The following EGFLAM variants were observed in gnomAD, a reference collection of about 807,000 sequenced individuals.
The protein encoded by EGFLAM is EGF like, fibronectin type III and laminin G domains, also known as pikachurin.
A neutral mutation model predicts 113.1 loss-of-function variants in EGFLAM; 79 were observed. The ratio of observed to expected loss-of-function variants is 0.70; its 90% CI spans 0.58 to 0.84. The LOEUF is 0.84. Among genes scored for constraint, EGFLAM ranks in the 40% least tolerant of loss-of-function variants. The pLI is 0.00. For synonymous variants in EGFLAM, 504 were observed against 487.6 expected, an observed-to-expected ratio of 1.03 and a Z score of -0.44; for missense variants, 1,265 against 1,291.6, an observed-to-expected ratio of 0.98 and a Z score of 0.32.
chr5:38,334,068 C>G (rs1739122796), intron 1 of EGFLAM, among the ~76,000 whole-genome samples: 1 of 151,850 alleles, frequency 6.6e-6, no homozygotes. Flanking sequence ...GGATTACAGA[C>G]TCCTGCCACC....
chr5:38,310,880 C>T (rs1359848053), intron 1 of EGFLAM, among the ~76,000 whole-genome samples: 1 of 152,092 alleles, frequency 6.6e-6, no homozygotes, highest in Non-Finnish European at 1.5e-5. Flanking sequence ...GAAAAATGAT[C>T]ATCTGAGGGT....
intron 6 of EGFLAM, among the ~76,000 whole-genome samples, chr5:38,379,058 C>T (rs1180615598): frequency 5.9e-5 from 9 of 152,104 alleles, no homozygotes; most frequent in Non-Finnish European, 1.0e-4. Context: ...AATGGGAAGA[C>T]ATCAGAATGC....
At chr5:38,355,182 C>A (rs922016273) in intron 5 of EGFLAM, among the ~76,000 whole-genome samples, 3 of 152,164 alleles carry the variant, frequency 2.0e-5, no homozygotes, top group African/African-American at 7.2e-5. Context: ...CTGTAGGCAA[C>A]CGGGTCTTCA....
At chr5:38,358,446 C>CAAAA (rs34444620) in intron 5 of EGFLAM, among the ~76,000 whole-genome samples, 60 of 73,558 alleles carry the variant, frequency 8.2e-4, no homozygotes, top group East Asian at 1.9e-3. Flanking sequence ...GACTCCGTCT[C>CAAAA]AAAAAAAAAA....
At chr5:38,412,793 C>A in intron 11 of EGFLAM, 145 bp downstream of exon 11, 1 of 1,290,880 alleles carries the variant, frequency 7.7e-7, no homozygotes. Flanking sequence ...CATGGTGAAC[C>A]CATGCAACAG....
intron 12 of EGFLAM, among the ~76,000 whole-genome samples, chr5:38,421,272 A>G (rs1478145914): frequency 6.6e-6 from 1 of 152,228 alleles, no homozygotes. Flanking sequence ...TGCAAGTCAC[A>G]TTCTAGAATA....
intron 1 of EGFLAM, among the ~76,000 whole-genome samples, chr5:38,262,448 G>A (rs1037605379): frequency 2.0e-4 from 30 of 151,998 alleles, no homozygotes; most frequent in African/African-American, 7.3e-4. Flanking sequence ...AATCACCGCC[G>A]GAATAGAAAT....
intron 6 of EGFLAM, among the ~76,000 whole-genome samples, chr5:38,381,018 G>A (rs1740498498): frequency 6.6e-6 from 1 of 152,174 alleles, no homozygotes; most frequent in African/African-American, 2.4e-5. Flanking sequence ...GCCTCAGAAT[G>A]TGCAACTATA....
At chr5:38,413,130 C>T (rs1210024666) in intron 11 of EGFLAM, among the ~76,000 whole-genome samples, 3 of 151,922 alleles carry the variant, frequency 2.0e-5, no homozygotes, top group Non-Finnish European at 4.4e-5. Context: ...CAAACCATCC[C>T]GCCTCAGGCT....
chr5:38,337,540 G>T lies in EGFLAM; in HGVS notation c.118G>T (p.Asp40Tyr). The T allele has an allele frequency of 6.2e-7, 1 of 1,602,892 alleles. No homozygotes were observed. ...RKPGKVGPPLDIKLGALNCTA... is the reference protein window; with the variant it reads ...RKPGKVGPPLYIKLGALNCTA... ...GGCAGGCAAGGTAGGGCCTCCTCTT[G>T]ACATCAAGCTGGGCGCATTGAACTG... The change falls in exon 2 of 22, where the codon GAC becomes TAC. Residue 40 changes from aspartate to tyrosine, a missense_variant. Physicochemically the swap from Asp to Tyr is radical, Grantham distance 160 (BLOSUM62 -3). Transcript: ENST00000322350.
intron 6 of EGFLAM, among the ~76,000 whole-genome samples, chr5:38,391,325 T>C (rs757353151): frequency 9.9e-5 from 15 of 152,136 alleles, no homozygotes; most frequent in Non-Finnish European, 1.9e-4. Flanking sequence ...TTCTATATGC[T>C]GTCAGTTTCT....
At chr5:38,369,310 T>G (rs1287373329) in intron 5 of EGFLAM, among the ~76,000 whole-genome samples, 1 of 152,228 alleles carries the variant, frequency 6.6e-6, no homozygotes, top group African/African-American at 2.4e-5. Context: ...TTCACATTCT[T>G]TTTTATTTTT....
At chr5:38,358,664 C>T (rs1026254879) in intron 5 of EGFLAM, among the ~76,000 whole-genome samples, 3 of 152,074 alleles carry the variant, frequency 2.0e-5, no homozygotes, top group East Asian at 1.9e-4. Flanking sequence ...ACTCTGAAGG[C>T]GCTCTCAGTA....
chr5:38,396,060 C>CTTTTTTTTTTTTTTTT (rs1740953203), intron 6 of EGFLAM, among the ~76,000 whole-genome samples: 1 of 152,094 alleles, frequency 6.6e-6, no homozygotes, highest in African/African-American at 2.4e-5. Context: ...TGTACCCACT[C>CTTTTTTTTTTTTTTTT]TTTAAAAGCC....
chr5:38,402,287 C>T (rs1187136971), intron 6 of EGFLAM, among the ~76,000 whole-genome samples: 1 of 152,146 alleles, frequency 6.6e-6, no homozygotes, highest in Non-Finnish European at 1.5e-5. Context: ...ATGATGTAGT[C>T]AAAAGAGAGA....
At chr5:38,386,794 T>C (rs1463052100) in intron 6 of EGFLAM, among the ~76,000 whole-genome samples, 1 of 152,254 alleles carries the variant, frequency 6.6e-6, no homozygotes, top group African/African-American at 2.4e-5. Flanking sequence ...AGTGAGCCAC[T>C]GTGCCCAGCC....
chr5:38,301,685 T>A (rs772005169), intron 1 of EGFLAM, among the ~76,000 whole-genome samples: 4 of 152,080 alleles, frequency 2.6e-5, no homozygotes, highest in Non-Finnish European at 5.9e-5. Context: ...ATCCAAAGAA[T>A]TATGCTTGGG....
Position 38,465,382 on chromosome 5 carries a change from T to G in EGFLAM, c.*1396T>G, listed in dbSNP as rs184102143. ...TCCCAGTCTCGACTCTACATTTGTT[T>G]GTGCAGCATTCATTCAGCAAAGACT... On this transcript the variant is annotated 3_prime_UTR_variant, in exon 22 of 22. Transcript: ENST00000322350. Among the ~76,000 whole-genome samples the G allele has an allele frequency of 3.6e-4, 55 of 152,384 alleles. No individual in the cohort carries two copies. In the East Asian group the frequency reaches 9.6e-3, roughly 27 times the overall value.
In EGFLAM at chr5:38,464,178, C is replaced by T. The variant is rs187608791; in HGVS notation, c.*192C>T. 1.6e-6 allele frequency: 1 copy of T among 644,998 alleles called. No individual in the cohort carries two copies. Among genetic ancestry groups the T allele is most frequent in the South Asian group, 2.2e-5 (1 of 45,886 alleles). The allele number at this position is 644,998 out of a possible 1,614,324, so 40.0% of individuals were successfully genotyped here. On this transcript the variant is annotated 3_prime_UTR_variant, in exon 22 of 22. Coordinates refer to ENST00000322350, the MANE Select transcript of EGFLAM (RefSeq NM_152403.4). Reference sequence around the variant, plus strand: ...TGGGTGGCCTTTCCTGCTGACACTCCACGAGCTGACCCAGCAGAATTCTCT... The same window carrying T: ...TGGGTGGCCTTTCCTGCTGACACTCTACGAGCTGACCCAGCAGAATTCTCT...
Sources: gnomAD v4.1 joint callset for allele counts (sites outside exome capture counted in the v4.1 genomes callset) on GRCh38, gnomAD v4.1.1 for gene constraint, MANE v1.5 for transcripts, NCBI Gene and HGNC (gene_info 2026-07-23, HGNC 2026-07-21) for gene names.